The following PTPRD variants were observed in gnomAD, a reference collection of about 807,000 sequenced individuals.
PTPRD encodes the protein receptor-type tyrosine-protein phosphatase delta.
PTPRD carries 34 observed loss-of-function variants against 214.5 expected under a neutral mutation model. That is an observed-to-expected ratio of 0.16 (90% CI 0.12 to 0.21). PTPRD has a LOEUF of 0.21. PTPRD is among the 10% of genes least tolerant of loss of function. The probability of loss-of-function intolerance (pLI) is 1.00; values close to 1 mark genes in which losing one functional copy is unlikely to be tolerated. For synonymous variants in PTPRD, 1,128 were observed against 845.7 expected, an observed-to-expected ratio of 1.33 and a Z score of -5.79; for missense variants, 2,545 against 2,398.7, an observed-to-expected ratio of 1.06 and a Z score of -1.27.
intron 11 of PTPRD, among the ~76,000 whole-genome samples, chr9:8,752,496 T>G (rs1164360402): frequency 1.3e-5 from 2 of 151,958 alleles, no homozygotes; most frequent in Non-Finnish European, 2.9e-5. Flanking sequence ...GTCTATGGAG[T>G]TAGCCATTCT....
chr9:9,809,434 A>AT (rs1417241613), intron 5 of PTPRD, among the ~76,000 whole-genome samples: 32 of 151,572 alleles, frequency 2.1e-4, no homozygotes, highest in Admixed American at 2.0e-3. Context: ...CGCCTGGCTA[A>AT]TTTTTTGTAT....
intron 7 of PTPRD, among the ~76,000 whole-genome samples, chr9:9,593,928 G>T (rs2093021231): frequency 6.6e-6 from 1 of 152,026 alleles, no homozygotes; most frequent in Non-Finnish European, 1.5e-5. Flanking sequence ...AATTTCAGAA[G>T]ATCTCAGATA....
chr9:9,155,687 G>C (rs1332537916), intron 10 of PTPRD, among the ~76,000 whole-genome samples: 1 of 152,086 alleles, frequency 6.6e-6, no homozygotes, highest in Admixed American at 6.6e-5. Flanking sequence ...GGTGCTGCCT[G>C]GGCCAATGTT....
chr9:8,444,765 A>G (rs1048276058), intron 34 of PTPRD, among the ~76,000 whole-genome samples: 3 of 152,198 alleles, frequency 2.0e-5, no homozygotes, highest in African/African-American at 7.2e-5. Context: ...TTGAAATTAA[A>G]AAGATGTTCT....
At chr9:10,467,832 T>C (rs2099004799) in intron 2 of PTPRD, among the ~76,000 whole-genome samples, 1 of 151,994 alleles carries the variant, frequency 6.6e-6, no homozygotes, top group Admixed American at 6.6e-5. Flanking sequence ...TTGTCATCAT[T>C]CAAGTAAAAA....
At position 8,497,264 on chromosome 9, in the gene PTPRD, T is replaced by A; in HGVS notation, c.2327A>T (p.Glu776Val). ...CACATGTTCAGTAGTATCATCAAAT[T>A]CCCACTGATTGAGAATAAGAAGGTT... ...KDVMLADAQWEFDDTTEHDMI... is the reference protein window; with the variant it reads ...KDVMLADAQWVFDDTTEHDMI... Residue 776 changes from glutamate (E) to valine (V), a missense_variant, in exon 26 of 46, where the codon GAA becomes GTA. Transcript: ENST00000381196. The A allele has an allele frequency of 6.3e-7, 1 of 1,596,044 alleles. No homozygotes were observed. Among genetic ancestry groups the A allele is most frequent in the Non-Finnish European group, 8.5e-7 (1 of 1,173,378 alleles).
chr9:10,470,690 G>T (rs894803875), intron 2 of PTPRD, among the ~76,000 whole-genome samples: 1 of 152,068 alleles, frequency 6.6e-6, no homozygotes, highest in Non-Finnish European at 1.5e-5. Flanking sequence ...CTTCTCCCCA[G>T]TTGTGACAAG....
chr9:8,460,200 C>A (rs1464327362), intron 33 of PTPRD: 3 of 626,636 alleles, frequency 4.8e-6, no homozygotes, highest in Non-Finnish European at 8.3e-6. Context: ...TGTTGGACAA[C>A]AGAAGTCTAT....
chr9:8,463,322 A>AG (rs2096466075), intron 32 of PTPRD, among the ~76,000 whole-genome samples: 1 of 150,168 alleles, frequency 6.7e-6, no homozygotes, highest in Non-Finnish European at 1.5e-5. Context: ...AAAAAAAAAA[A>AG]AAAAAAAAAA....
rs567888528 is a variant in PTPRD at position 9,828,720 on chromosome 9, T to C, written c.-367-61869A>G. Among the ~76,000 whole-genome samples the C allele has an allele frequency of 3.3e-5, 5 of 152,022 alleles. No individual in the cohort carries two copies. In the East Asian group the frequency reaches 9.7e-4, roughly 29 times the overall value. ...AGGTAAGAACCTAAGCAGGATTTTT[T>C]TTTTTTTTACTTTGCTTGTAGTTAG... On this transcript the variant is annotated intron_variant, in intron 5 of 45. Transcript: ENST00000381196.
intron 5 of PTPRD, among the ~76,000 whole-genome samples, chr9:9,908,965 A>G (rs1194217551): frequency 6.6e-6 from 1 of 152,014 alleles, no homozygotes; most frequent in Non-Finnish European, 1.5e-5. Context: ...TGAAACTATT[A>G]TATAGCAAGT....
At chr9:8,950,641 A>AT (rs147351301) in intron 11 of PTPRD, among the ~76,000 whole-genome samples, 1 of 152,016 alleles carries the variant, frequency 6.6e-6, no homozygotes, top group Non-Finnish European at 1.5e-5. Context: ...GCAAGTATCC[A>AT]TTTTTTCCAA....
intron 7 of PTPRD, among the ~76,000 whole-genome samples, chr9:9,640,006 G>A (rs16929969): frequency 0.019 from 2,900 of 152,314 alleles, 93 homozygotes; most frequent in African/African-American, 0.067. Context: ...TTGTTAGACT[G>A]TAAGGACAAA....
chr9:9,868,229 T>C (rs899757237), intron 5 of PTPRD, among the ~76,000 whole-genome samples: 2 of 152,054 alleles, frequency 1.3e-5, no homozygotes, highest in African/African-American at 4.8e-5. Context: ...TCAAAGATAA[T>C]CATCAAAACA....
At position 8,523,404 on chromosome 9, in the gene PTPRD, T is replaced by C. The variant is rs542658076; in HGVS notation, c.691+109A>G. On this transcript the variant is annotated intron_variant, in intron 19 of 45. Transcript: ENST00000381196. ...GGGCATTCTCTGCTAAAACATACCA[T>C]TAACCAAAAGAAGAACACAATGCAG... 176 of 1,337,512 alleles carry C rather than the reference T, an allele frequency of 1.3e-4. 3 individuals are homozygous for C. The South Asian group carries it at 2.1e-3, about 16-fold the overall frequency. The allele number at this position is 1,337,512 out of a possible 1,614,324, so 82.9% of individuals were successfully genotyped here.
rs2099578038 is a variant in PTPRD at position 10,223,457 on chromosome 9, G to C, written c.-545+117506C>G. Among the ~76,000 whole-genome samples the C allele has an allele frequency of 2.6e-5, 4 of 151,976 alleles. 1 individual carries two copies. In the South Asian group the frequency reaches 8.3e-4, roughly 32 times the overall value. On this transcript the variant is annotated intron_variant, in intron 3 of 45. Coordinates refer to ENST00000381196, the MANE Select transcript of PTPRD (RefSeq NM_002839.4). ...AGGCGGGCAGATCACTTGAGGCCAGGAGTTAGGACCAGCCTGGCCAATGTG... is the reference window on the plus strand; with the variant it reads ...AGGCGGGCAGATCACTTGAGGCCAGCAGTTAGGACCAGCCTGGCCAATGTG...
intron 11 of PTPRD, among the ~76,000 whole-genome samples, chr9:8,737,152 T>C (rs1013206269): frequency 6.6e-6 from 1 of 152,176 alleles, no homozygotes; most frequent in Non-Finnish European, 1.5e-5. Context: ...AGACCAAATT[T>C]TTTCAAATGA....
intron 12 of PTPRD, among the ~76,000 whole-genome samples, chr9:8,726,045 ACACAC>A (rs2098553822): frequency 6.8e-6 from 1 of 147,200 alleles, no homozygotes; most frequent in Non-Finnish European, 1.5e-5. Context: ...ACACACACAC[ACACAC>A]ACACACACAC....
intron 7 of PTPRD, among the ~76,000 whole-genome samples, chr9:9,681,354 T>C (rs988838578): frequency 2.0e-5 from 3 of 151,778 alleles, no homozygotes; most frequent in African/African-American, 7.2e-5. Flanking sequence ...ATTAAAAATA[T>C]CTGAATGGAT....
Sources: allele counts gnomAD v4.1 joint callset (sites outside exome capture counted in the v4.1 genomes callset), GRCh38; gene constraint gnomAD v4.1.1; transcripts MANE v1.5; gene names NCBI Gene and HGNC (gene_info 2026-07-23, HGNC 2026-07-21).